The following SUCO variants were observed in gnomAD, a reference collection of about 807,000 sequenced individuals.
SUCO encodes SUN domain-containing ossification factor.
A neutral mutation model predicts 148.1 loss-of-function variants in SUCO; 57 were observed. The ratio of observed to expected loss-of-function variants is 0.38; its 90% CI spans 0.31 to 0.48. The LOEUF is 0.48. Among genes scored for constraint, SUCO ranks in the 20% least tolerant of loss-of-function variants. The probability of loss-of-function intolerance (pLI) is 0.96; values close to 1 mark genes in which losing one functional copy is unlikely to be tolerated. For synonymous variants in SUCO, 470 were observed against 502.7 expected, an observed-to-expected ratio of 0.93 and a Z score of 0.87; for missense variants, 1,331 against 1,468.2, an observed-to-expected ratio of 0.91 and a Z score of 1.53.
intron 1 of SUCO, among the ~76,000 whole-genome samples, chr1:172,549,579 A>G (rs1487198711): frequency 6.6e-6 from 1 of 152,018 alleles, no homozygotes; most frequent in African/African-American, 2.4e-5. Context: ...TTCACATTAA[A>G]GAATGCTTTC....
chr1:172,556,841 ATGAC>A, intron 4 of SUCO: 1 of 848,400 alleles, frequency 1.2e-6, no homozygotes, highest in Non-Finnish European at 1.4e-6. Flanking sequence ...TATATTAAAA[ATGAC>A]TGGTTAATGA....
chr1:172,607,586 ACTGT>A, intron 22 of SUCO, among the ~76,000 whole-genome samples: 1 of 151,632 alleles, frequency 6.6e-6, no homozygotes, highest in Non-Finnish European at 1.5e-5. Context: ...CTTCTACTTG[ACTGT>A]CCGGGTTCCC....
rs1158858122 is a variant in SUCO, at chr1:172,609,979, C to T, written c.3485C>T (p.Pro1162Leu). ...TATCACTCTTCTTATAAAGGTCCTCCATCTGAAGGAAGCTCAGAAACTTCA... is the reference window on the plus strand; with the variant it reads ...TATCACTCTTCTTATAAAGGTCCTCTATCTGAAGGAAGCTCAGAAACTTCA... ...EVYHSSYKGP[P>L]SEGSSETSSQ... is the part of the protein sequence containing the mutation. Residue 1162 changes from proline (P) to leucine (L), a missense_variant, in exon 24 of 24, where the codon CCA becomes CTA. Physicochemically the swap from Pro to Leu is moderately conservative, Grantham distance 98. Around this residue, in one of 3 missense-constraint regions of SUCO, gnomAD observed 334 missense variants for 352.3 expected, o/e 0.95. Transcript: ENST00000263688. 2 of 1,613,812 alleles carry T rather than the reference C, an allele frequency of 1.2e-6. No homozygotes were observed. Among genetic ancestry groups the T allele is most frequent in the Non-Finnish European group, 1.7e-6 (2 of 1,179,888 alleles).
chr1:172,579,541 G>T (rs1655719066), intron 15 of SUCO, among the ~76,000 whole-genome samples: 1 of 152,060 alleles, frequency 6.6e-6, no homozygotes, highest in African/African-American at 2.4e-5. Flanking sequence ...TGAAGAAAGG[G>T]CTATGGATTT....
rs1191549644 is a variant in SUCO, at chr1:172,593,292, G to C, written c.2913+2221G>C. ...TCTTTCTCCTGCCTGATTGCCCTGG[G>C]CAGAACTTCCAGCACTATGTTGAAT... On this transcript the variant is annotated intron_variant, in intron 19 of 23. Transcript: ENST00000263688. 5.3e-5 allele frequency among the ~76,000 whole-genome samples: 8 copies of C among 152,218 alleles called. No homozygotes were observed. The East Asian group carries it at 5.8e-4, about 11-fold the overall frequency.
chr1:172,574,863 C>G (rs944914731), intron 10 of SUCO: 5 of 984,418 alleles, frequency 5.1e-6, no homozygotes, highest in Admixed American at 6.2e-5. Context: ...TTCTCAAGAC[C>G]TCTTGAGAAT....
At chr1:172,599,223 G>A (rs1657335649) in intron 19 of SUCO, among the ~76,000 whole-genome samples, 1 of 152,154 alleles carries the variant, frequency 6.6e-6, no homozygotes, top group African/African-American at 2.4e-5. Context: ...CAGCTACTCG[G>A]GAGGCTGAGG....
At chr1:172,561,525 G>T (rs1222893929) in intron 6 of SUCO, among the ~76,000 whole-genome samples, 1 of 152,142 alleles carries the variant, frequency 6.6e-6, no homozygotes, top group Non-Finnish European at 1.5e-5. Context: ...CCAGCTCAGG[G>T]TAATTGGGAG....
At chr1:172,534,647 A>G (rs925967244) in intron 1 of SUCO, among the ~76,000 whole-genome samples, 2 of 152,188 alleles carry the variant, frequency 1.3e-5, no homozygotes, top group African/African-American at 4.8e-5. Flanking sequence ...AATCCTTTTA[A>G]TACCCGTCTC....
chr1:172,607,818 G>C lies in SUCO; in HGVS notation c.3266-929G>C, dbSNP rs183523255. On this transcript the variant is annotated intron_variant, in intron 22 of 23. Coordinates refer to ENST00000263688, the MANE Select transcript of SUCO (RefSeq NM_014283.5). ...AAATGACTGTTTAGAGGGATGTTTT[G>C]ATATTTTCATATATTTGATGACTTT... Among the ~76,000 whole-genome samples, 42 of 151,936 alleles carry C rather than the reference G, an allele frequency of 2.8e-4. No homozygotes were observed. In the East Asian group the frequency reaches 7.5e-3, roughly 27 times the overall value.
At chr1:172,559,570 T>C (rs946890765) in intron 6 of SUCO, among the ~76,000 whole-genome samples, 1 of 152,186 alleles carries the variant, frequency 6.6e-6, no homozygotes, top group Non-Finnish European at 1.5e-5. Flanking sequence ...GAGGTAATGC[T>C]CTTTGTGGAG....
At chr1:172,584,933 C>G in intron 15 of SUCO, 85 bp from the exon 16 acceptor site, 1 of 869,094 alleles carries the variant, frequency 1.2e-6, no homozygotes, top group Non-Finnish European at 1.7e-6. Flanking sequence ...AAAGATCATT[C>G]TAAATGATTT....
At chr1:172,532,438 G>A (rs948565127), upstream of SUCO, 46 of 1,543,224 alleles carry the variant, frequency 3.0e-5, no homozygotes, top group Non-Finnish European at 4.1e-5. Context: ...CTGAAGAGAA[G>A]AAAAAGCGAA....
At position 172,600,126 on chromosome 1, in the gene SUCO, T is replaced by C. The variant is rs1287098336; in HGVS notation, c.2976T>C (p.Leu992=). ...CACAGCTGACCAACATGACACAGCTTGTTTCAAATTTATCAGCAACAGTAG... is the reference window on the plus strand; with the variant it reads ...CACAGCTGACCAACATGACACAGCTCGTTTCAAATTTATCAGCAACAGTAG... The part of the protein sequence containing the change: ...LQAQLTNMTQ[L]VSNLSATVAE... The change falls in exon 20 of 24, where the codon CTT becomes CTC. Residue 992 remains leucine (L), a synonymous_variant. Transcript: ENST00000263688. The C allele has an allele frequency of 6.2e-7, 1 of 1,611,614 alleles. No individual in the cohort carries two copies. The highest frequency in any genetic ancestry group is 2.2e-5 in the East Asian group (1 of 44,766).
intron 6 of SUCO, among the ~76,000 whole-genome samples, chr1:172,558,319 C>G (rs1385255108): frequency 1.3e-5 from 2 of 152,140 alleles, no homozygotes; most frequent in Non-Finnish European, 2.9e-5. Flanking sequence ...GTTTTACTTT[C>G]TTTTCTCCTT....
At chr1:172,563,774 A>G (rs908660357) in intron 6 of SUCO, among the ~76,000 whole-genome samples, 1 of 152,252 alleles carries the variant, frequency 6.6e-6, no homozygotes, top group Non-Finnish European at 1.5e-5. Context: ...AAATGTTAAT[A>G]GCCAAGAAAG....
chr1:172,568,882 GT>G (rs910203530), intron 6 of SUCO, 136 bp from the exon 7 acceptor site: 52 of 849,434 alleles, frequency 6.1e-5, no homozygotes, highest in Middle Eastern at 7.9e-4. Context: ...TTCTTTTTAC[GT>G]TTTTTATTTT....
intron 1 of SUCO, among the ~76,000 whole-genome samples, chr1:172,547,694 G>A (rs952688609): frequency 2.0e-5 from 3 of 152,108 alleles, no homozygotes; most frequent in African/African-American, 7.2e-5. Context: ...ACAAATGCAG[G>A]ACATGATCAT....
intron 19 of SUCO, among the ~76,000 whole-genome samples, chr1:172,592,585 G>T (rs1402406155): frequency 6.6e-6 from 1 of 152,172 alleles, no homozygotes; most frequent in Non-Finnish European, 1.5e-5. Flanking sequence ...TCAGATGGTT[G>T]TAGATGTGTG....
Sources: gnomAD v4.1 joint callset for allele counts (sites outside exome capture counted in the v4.1 genomes callset) on GRCh38, gnomAD v4.1.1 for gene constraint, gnomAD v4.1.1 regional missense constraint, MANE v1.5 for transcripts, NCBI Gene and HGNC (gene_info 2026-07-23, HGNC 2026-07-21) for gene names.